Variants in UNC5C observed in about 807,000 individuals in gnomAD.
UNC5C encodes netrin receptor UNC5C.
A neutral mutation model predicts 99.8 loss-of-function variants in UNC5C; 47 were observed. The ratio of observed to expected loss-of-function variants is 0.47; its 90% CI spans 0.37 to 0.60. UNC5C has a LOEUF of 0.60. Ranked by LOEUF, UNC5C falls within the 20% of genes least tolerant of loss-of-function variation. UNC5C has a pLI of 0.00. For synonymous variants in UNC5C, 487 were observed against 452.2 expected, an observed-to-expected ratio of 1.08 and a Z score of -0.98; for missense variants, 1,062 against 1,165.9, an observed-to-expected ratio of 0.91 and a Z score of 1.30.
intron 1 of UNC5C, among the ~76,000 whole-genome samples, chr4:95,430,107 A>G (rs1484567780): frequency 2.0e-5 from 3 of 152,136 alleles, no homozygotes; most frequent in African/African-American, 4.8e-5. Flanking sequence ...ACATTGGCCA[A>G]AACCCACAGA....
intron 3 of UNC5C, among the ~76,000 whole-genome samples, chr4:95,280,352 A>G (rs1741011736): frequency 6.6e-6 from 1 of 152,328 alleles, no homozygotes; most frequent in Non-Finnish European, 1.5e-5. Context: ...TATCAGAAAA[A>G]TGCTTCTAAT....
intron 2 of UNC5C, among the ~76,000 whole-genome samples, chr4:95,318,612 C>T (rs972685777): frequency 6.6e-6 from 1 of 152,140 alleles, no homozygotes; most frequent in African/African-American, 2.4e-5. Context: ...TCACTGAGGT[C>T]ACTTCATACA....
intron 1 of UNC5C, among the ~76,000 whole-genome samples, chr4:95,478,795 T>C (rs1721040071): frequency 6.6e-6 from 1 of 152,056 alleles, no homozygotes; most frequent in Non-Finnish European, 1.5e-5. Flanking sequence ...ATCCCCAGTG[T>C]TGGAGGTGGG....
intron 5 of UNC5C, among the ~76,000 whole-genome samples, chr4:95,247,197 C>A (rs917948004): frequency 1.3e-5 from 2 of 151,748 alleles, no homozygotes; most frequent in African/African-American, 4.8e-5. Flanking sequence ...TATTTGCAAT[C>A]TAAAAATTAC....
intron 5 of UNC5C, chr4:95,248,467 T>C (rs575745869): frequency 2.2e-6 from 1 of 445,826 alleles, no homozygotes; most frequent in South Asian, 1.6e-5. Flanking sequence ...GGATCGTAAC[T>C]TCCCCGTGGT....
intron 2 of UNC5C, among the ~76,000 whole-genome samples, chr4:95,308,273 C>A (rs1742131687): frequency 6.6e-6 from 1 of 152,044 alleles, no homozygotes; most frequent in South Asian, 2.1e-4. Flanking sequence ...ACAAAATCAA[C>A]ATATAAATAT....
In UNC5C at chr4:95,206,742, G is replaced by C; in HGVS notation, c.1788C>G (p.Pro596=). Residue 596 remains proline (P), a synonymous_variant, in exon 11 of 16, where the codon CCC becomes CCG. Transcript: ENST00000453304. ...TLLTPVVSCG[P]PGALLTRPVV... is the part of the protein sequence containing the mutation. Reference sequence around the variant, plus strand: ...CTGGGCGGGTGAGCAGAGCTCCTGGGGGCCCACAGCTCACCACAGGGGTCA... The same window carrying C: ...CTGGGCGGGTGAGCAGAGCTCCTGGCGGCCCACAGCTCACCACAGGGGTCA... 1 of 1,613,718 alleles carries C rather than the reference G, an allele frequency of 6.2e-7. No homozygotes were observed. Among genetic ancestry groups the C allele is most frequent in the Non-Finnish European group, 8.5e-7 (1 of 1,179,850 alleles).
Position 95,219,295 on chromosome 4 carries a change from G to A in UNC5C, c.1319C>T (p.Pro440Leu). Residue 440 changes from proline to leucine, a missense_variant, in exon 9 of 16, where the codon CCA (proline) becomes CTA (leucine). By Grantham distance (98) the Pro-to-Leu change is moderately conservative. Transcript: ENST00000453304. ...CATGGCTGCAGCTGACGTGAGGTCT[G>A]GGGGTACAGCCAGCAGATCTGAGTC... ...AARQDLLAVP[P>L]DLTSAAAMYR... The A allele has an allele frequency of 1.2e-6, 2 of 1,613,664 alleles. No individual in the cohort carries two copies. Among genetic ancestry groups the A allele is most frequent in the African/African-American group, 2.7e-5 (2 of 75,008 alleles).
intron 4 of UNC5C, among the ~76,000 whole-genome samples, chr4:95,257,634 C>T (rs1183702010): frequency 3.4e-4 from 51 of 152,186 alleles, no homozygotes; most frequent in Non-Finnish European, 3.4e-4. Flanking sequence ...GATAATGATT[C>T]AGATTTGGCT....
intron 11 of UNC5C, among the ~76,000 whole-genome samples, chr4:95,206,148 A>G (rs1737868801): frequency 6.6e-6 from 1 of 151,774 alleles, no homozygotes; most frequent in Non-Finnish European, 1.5e-5. Flanking sequence ...TTATAGGCAC[A>G]TGCCACTGCG....
intron 14 of UNC5C, among the ~76,000 whole-genome samples, chr4:95,179,365 G>A (rs1006707618): frequency 1.3e-5 from 2 of 152,206 alleles, no homozygotes; most frequent in Non-Finnish European, 2.9e-5. Flanking sequence ...CAGAAGTGCT[G>A]TGCACCACAA....
intron 12 of UNC5C, among the ~76,000 whole-genome samples, chr4:95,199,226 G>T (rs1007608505): frequency 1.3e-5 from 2 of 152,106 alleles, no homozygotes; most frequent in African/African-American, 2.4e-5. Context: ...ACATTAGCAG[G>T]GCGCCAAGAA....
At position 95,185,040 on chromosome 4, in the gene UNC5C, A is replaced by C; in HGVS notation, c.2286+7T>G. On this transcript the variant is annotated splice_region_variant and intron_variant, in intron 13 of 15. Transcript: ENST00000453304. ...TCCAGACCTTTTGTTCGGCTTGGGAACCTTACCTGATATTTAGCCAGCAAT... is the reference window on the plus strand; with the variant it reads ...TCCAGACCTTTTGTTCGGCTTGGGACCCTTACCTGATATTTAGCCAGCAAT... 2 of 1,609,148 alleles carry C rather than the reference A, an allele frequency of 1.2e-6. No homozygotes were observed. Among genetic ancestry groups the C allele is most frequent in the Non-Finnish European group, 1.7e-6 (2 of 1,178,538 alleles).
intron 1 of UNC5C, among the ~76,000 whole-genome samples, chr4:95,408,594 A>G (rs545054231): frequency 1.0e-3 from 157 of 152,306 alleles, no homozygotes; most frequent in African/African-American, 3.7e-3. Context: ...ATTATTTGAT[A>G]TATACTAACT....
At chr4:95,413,429 A>G (rs1229843683) in intron 1 of UNC5C, among the ~76,000 whole-genome samples, 1 of 152,204 alleles carries the variant, frequency 6.6e-6, no homozygotes, top group Non-Finnish European at 1.5e-5. Context: ...ACAGAAGGCC[A>G]AACTCCCTTT....
chr4:95,391,078 G>A (rs1262757143), intron 1 of UNC5C, among the ~76,000 whole-genome samples: 6 of 152,138 alleles, frequency 3.9e-5, no homozygotes, highest in Non-Finnish European at 8.8e-5. Context: ...GAGTTCCCCT[G>A]CACACGCTCT....
intron 1 of UNC5C, among the ~76,000 whole-genome samples, chr4:95,364,277 T>G (rs931153146): frequency 1.3e-5 from 2 of 152,208 alleles, no homozygotes; most frequent in African/African-American, 4.8e-5. Flanking sequence ...CTGGAGATAC[T>G]GAAAAGGAAA....
intron 4 of UNC5C, among the ~76,000 whole-genome samples, chr4:95,261,014 G>A (rs1361070547): frequency 1.3e-5 from 2 of 152,102 alleles, no homozygotes; most frequent in African/African-American, 2.4e-5. Flanking sequence ...GCTCAGAAAG[G>A]AGCAGAGATC....
intron 4 of UNC5C, among the ~76,000 whole-genome samples, chr4:95,254,677 C>G (rs1220799302): frequency 2.0e-5 from 3 of 152,180 alleles, no homozygotes; most frequent in Middle Eastern, 3.2e-3. Flanking sequence ...TATATCCACA[C>G]TAAAGTTTGA....
Sources: gnomAD v4.1 joint callset for allele counts (sites outside exome capture counted in the v4.1 genomes callset) on GRCh38, gnomAD v4.1.1 for gene constraint, MANE v1.5 for transcripts, NCBI Gene and HGNC (gene_info 2026-07-23, HGNC 2026-07-21) for gene names.